The following MORC2 variants were observed in gnomAD, a reference collection of about 807,000 sequenced individuals.
MORC2 encodes the protein ATPase MORC2.
In MORC2, 30 loss-of-function variants were observed where a neutral mutation model predicts 136.0. The observed-to-expected ratio is 0.22, with a 90% CI of 0.17 to 0.30. The LOEUF (loss-of-function observed/expected upper bound fraction) is 0.30. MORC2 is among the 10% of genes least tolerant of loss of function. MORC2 has a pLI of 1.00. For synonymous variants in MORC2, 439 were observed against 487.0 expected, an observed-to-expected ratio of 0.90 and a Z score of 1.30; for missense variants, 922 against 1,333.1, an observed-to-expected ratio of 0.69 and a Z score of 4.80.
At chr22:30,961,608 C>A (rs1483359203) in intron 1 of MORC2, among the ~76,000 whole-genome samples, 1 of 152,062 alleles carries the variant, frequency 6.6e-6, no homozygotes, top group African/African-American at 2.4e-5. Context: ...AATAGAGCTA[C>A]CAGAAAAAAA....
At chr22:30,960,324 C>T (rs1486963241) in intron 1 of MORC2, among the ~76,000 whole-genome samples, 1 of 152,092 alleles carries the variant, frequency 6.6e-6, no homozygotes, top group Non-Finnish European at 1.5e-5. Flanking sequence ...AAGACCTTTC[C>T]CCCAACAAGA....
In MORC2 at chr22:30,937,714, G is replaced by A. The variant is rs770913783; in HGVS notation, c.1370-3C>T. The A allele has an allele frequency of 9.9e-6, 16 of 1,613,924 alleles. No homozygotes were observed. The highest frequency in any genetic ancestry group is 1.3e-5 in the Non-Finnish European group (15 of 1,180,018). On this transcript the variant is annotated splice_polypyrimidine_tract_variant and splice_region_variant and intron_variant, in intron 14 of 25. Transcript: ENST00000397641. The surrounding 1 kb of genome is among the most constrained non-coding windows in gnomAD (Gnocchi z 4.7). ...GAACTTGATGATTCCCCTCTGGGCTGGAAAGCAAACACCGATACATCATGT... is the reference window on the plus strand; with the variant it reads ...GAACTTGATGATTCCCCTCTGGGCTAGAAAGCAAACACCGATACATCATGT...
chr22:30,960,832 A>G (rs1029035536), intron 1 of MORC2, among the ~76,000 whole-genome samples: 51 of 149,024 alleles, frequency 3.4e-4, no homozygotes, highest in African/African-American at 1.3e-3. Context: ...AAAAAAGTCC[A>G]TAAAACAGCC....
In MORC2 at chr22:30,933,469, T is replaced by G. The variant is rs1425097407; in HGVS notation, c.2377A>C (p.Lys793Gln). Residue 793 changes from lysine to glutamine, a missense_variant, in exon 21 of 26, where the codon AAA becomes CAA. Coordinates refer to ENST00000397641, the MANE Select transcript of MORC2 (RefSeq NM_001303256.3). Reference protein sequence around the residue: ...EDSADLKRAQKDKGLHVEVRV... With the variant: ...EDSADLKRAQQDKGLHVEVRV... ...CCAAGTCACTCCCCCAGCTCACCTT[T>G]CTGAGCTCTCTTGAGGTCAGCCGAG... The G allele has an allele frequency of 1.2e-6, 2 of 1,613,704 alleles. No individual in the cohort carries two copies. Among genetic ancestry groups the G allele is most frequent in the Non-Finnish European group, 1.7e-6 (2 of 1,179,892 alleles).
At position 30,938,203 on chromosome 22, in the gene MORC2, G is replaced by GGTT; in HGVS notation, c.1075_1076insAAC (p.Ala359delinsGluPro). On this transcript the variant is annotated protein_altering_variant and splice_region_variant, in exon 13 of 26. Coordinates refer to ENST00000397641, the MANE Select transcript of MORC2 (RefSeq NM_001303256.3). ...ATTCAGTTCCTTAGGTTCTTTAAGT[G>GGTT]CTCTAAGAAGACAAAAAAACTCAAG... 6.2e-7 allele frequency: 1 copy of GGTT among 1,611,500 alleles called. No individual in the cohort carries two copies.
Position 30,932,198 on chromosome 22 carries a change from CCTCTT to C in MORC2, c.2841+156_2841+160del, listed in dbSNP as rs1397904202. ...ATTTTTTTCCCACATCATAAACTCT[CCTCTT>C]CTTTCAGCAGGAGAGAGGCTGGCTG... On this transcript the variant is annotated intron_variant, in intron 24 of 25. Transcript: ENST00000397641. This position sits in a 1 kb window ranked among gnomAD's most constrained non-coding sequence, Gnocchi z 4.4. 8 of 717,616 alleles carry C rather than the reference CCTCTT, an allele frequency of 1.1e-5. No individual in the cohort carries two copies. Among genetic ancestry groups the C allele is most frequent in the African/African-American group, 5.3e-5 (3 of 56,398 alleles). The allele number at this position is 717,616 out of a possible 1,614,324, so 44.5% of individuals were successfully genotyped here. A position where few individuals can be genotyped will look rare whatever the true frequency, so the allele number is the denominator to read the frequency against.
chr22:30,928,343 C>CAGTGT (rs1367592621), intron 24 of MORC2, 136 bp from the exon 25 acceptor site: 2 of 775,806 alleles, frequency 2.6e-6, no homozygotes, highest in African/African-American at 3.5e-5. Context: ...ATACAAAGGG[C>CAGTGT]AAACAGCCTC....
chr22:30,956,418 C>T (rs1279018067), intron 3 of MORC2, among the ~76,000 whole-genome samples: 2 of 152,208 alleles, frequency 1.3e-5, no homozygotes, highest in Non-Finnish European at 2.9e-5. Context: ...TCCTTGGCTG[C>T]AGGTACCACA....
Position 30,936,580 on chromosome 22 carries a change from C to T in MORC2, c.1668G>A (p.Thr556=), listed in dbSNP as rs759248549. 2.2e-5 allele frequency: 35 copies of T among 1,614,082 alleles called. No individual in the cohort carries two copies. The highest frequency in any genetic ancestry group is 3.3e-5 in the Admixed American group (2 of 59,996). ...PLGTFRKDMK[T]QEEKQKQLTE... ...TCAGTTGTTTCTGCTTCTCTTCCTG[C>T]GTCTTCATGTCCTTTCTGAATGTTC... Residue 556 remains threonine, a synonymous_variant, in exon 17 of 26, where the codon ACG becomes ACA. Coordinates refer to ENST00000397641, the MANE Select transcript of MORC2 (RefSeq NM_001303256.3).
intron 5 of MORC2, among the ~76,000 whole-genome samples, chr22:30,946,704 G>C (rs970054254): frequency 1.3e-5 from 2 of 151,900 alleles, no homozygotes; most frequent in Non-Finnish European, 2.9e-5. Context: ...CACCATACAG[G>C]GTTCTCTCAC....
In MORC2 at chr22:30,941,639, C is replaced by A; in HGVS notation, c.699-81G>T. The A allele has an allele frequency of 6.5e-7, 1 of 1,536,656 alleles. No homozygotes were observed. Among genetic ancestry groups the A allele is most frequent in the Non-Finnish European group, 8.8e-7 (1 of 1,133,340 alleles). On this transcript the variant is annotated intron_variant, in intron 8 of 25. Coordinates refer to ENST00000397641, the MANE Select transcript of MORC2 (RefSeq NM_001303256.3). The surrounding 1 kb of genome is among the most constrained non-coding windows in gnomAD (Gnocchi z 4.6). Reference sequence around the variant, plus strand: ...AAGGGCACAACATCCTCTCTGCAGGCTCTCCACCTTTCCATGTTAGGTACT... The same window carrying A: ...AAGGGCACAACATCCTCTCTGCAGGATCTCCACCTTTCCATGTTAGGTACT...
Position 30,967,586 on chromosome 22 carries a change from T to A in MORC2, c.68+236A>T. The A allele has an allele frequency of 2.2e-6, 3 of 1,335,620 alleles. No homozygotes were observed. The South Asian group carries it at 5.0e-5, about 22-fold the overall frequency. The allele number at this position is 1,335,620 out of a possible 1,614,324, so 82.7% of individuals were successfully genotyped here. The stretch of plus-strand genomic sequence containing the variant: ...ACATATTGACTTCAAATAACTAAAG[T>A]TTGCATTTAGAAAATTTTGATCCAA... On this transcript the variant is annotated intron_variant, in intron 1 of 25. Coordinates refer to ENST00000397641, the MANE Select transcript of MORC2 (RefSeq NM_001303256.3).
At chr22:30,933,312 C>G (rs2040603553) in intron 21 of MORC2, among the ~76,000 whole-genome samples, 154 bp downstream of exon 21, 1 of 152,156 alleles carries the variant, frequency 6.6e-6, no homozygotes, top group Non-Finnish European at 1.5e-5. Flanking sequence ...CTTCAGAATT[C>G]TGCTTGGGAT....
intron 6 of MORC2, 126 bp from the exon 7 acceptor site, chr22:30,942,397 A>G: frequency 9.6e-7 from 1 of 1,044,364 alleles, no homozygotes; most frequent in East Asian, 2.4e-5. Context: ...CCCAAGCTCC[A>G]CAGCCTGGCA....
At chr22:30,948,481 G>A (rs1217523428) in intron 5 of MORC2, among the ~76,000 whole-genome samples, 2 of 152,208 alleles carry the variant, frequency 1.3e-5, no homozygotes, top group African/African-American at 4.8e-5. Context: ...CAAAGGAGGA[G>A]AAATAAAGGC....
intron 24 of MORC2, among the ~76,000 whole-genome samples, chr22:30,928,735 A>G (rs2040528677): frequency 1.3e-5 from 2 of 152,210 alleles, no homozygotes; most frequent in African/African-American, 4.8e-5. Flanking sequence ...TGAAACCTCC[A>G]GGGGGAGAGG....
In MORC2 at chr22:30,934,930, C is replaced by T. The variant is rs144493873; in HGVS notation, c.2044G>A (p.Val682Ile). The T allele has an allele frequency of 1.1e-4, 175 of 1,614,030 alleles. No homozygotes were observed. The African/African-American group carries it at 2.0e-3, about 18-fold the overall frequency. ...EAPRKPANTL[V>I]KTASRPAPLV... The stretch of plus-strand genomic sequence containing the variant: ...GGGGCAGGTCGGGATGCAGTCTTGA[C>T]GAGAGTGTTGGCAGGCTTTCGGGGT... The change falls in exon 19 of 26, where the codon GTC becomes ATC. Residue 682 changes from valine to isoleucine, a missense_variant. Val to Ile is a conservative substitution (Grantham distance 29, BLOSUM62 3). This residue lies in a region of MORC2 where 184 missense variants were observed against 180.3 expected (regional missense o/e 1.02). Coordinates refer to ENST00000397641, the MANE Select transcript of MORC2 (RefSeq NM_001303256.3). This position sits in a 1 kb window ranked among gnomAD's most constrained non-coding sequence, Gnocchi z 4.4.
chr22:30,950,337 G>GCGGCGGCCC, intron 4 of MORC2, 40 bp downstream of exon 4: 1 of 761,768 alleles, frequency 1.3e-6, no homozygotes, highest in Non-Finnish European at 2.3e-6. Context: ...TGGTTACATC[G>GCGGCGGCCC]CACCCCCCCA....
intron 3 of MORC2, among the ~76,000 whole-genome samples, chr22:30,955,454 C>T (rs2040952648): frequency 1.3e-5 from 2 of 152,148 alleles, no homozygotes; most frequent in Admixed American, 1.3e-4. Flanking sequence ...CAAAGTATAG[C>T]AGACATGAGA....
Sources: gnomAD v4.1 joint callset for allele counts (sites outside exome capture counted in the v4.1 genomes callset) on GRCh38, gnomAD v4.1.1 for gene constraint, gnomAD v4.1.1 regional missense constraint, Gnocchi (gnomAD v3.1) non-coding constraint, MANE v1.5 for transcripts, NCBI Gene and HGNC (gene_info 2026-07-23, HGNC 2026-07-21) for gene names.